The following ZNRF1 variants were observed in gnomAD, a reference collection of about 807,000 sequenced individuals.
ZNRF1 encodes zinc and ring finger 1, also known as E3 ubiquitin-protein ligase ZNRF1.
Under a neutral mutation model 18.4 loss-of-function variants are expected in ZNRF1, and 3 were observed. The ratio of observed to expected loss-of-function variants is 0.16; its 90% CI spans 0.07 to 0.42. ZNRF1 has a LOEUF of 0.42. Ranked by LOEUF, ZNRF1 falls within the 10% of genes least tolerant of loss-of-function variation. The pLI, the probability that ZNRF1 is intolerant of heterozygous loss-of-function variation, is 0.99. For missense variants in ZNRF1, 310 were observed against 329.8 expected (o/e 0.94, Z 0.47); for synonymous variants, 157 against 144.2 (o/e 1.09, Z -0.64).
At chr16:75,104,594 G>T in intron 2 of ZNRF1, 190 bp from the exon 3 acceptor site, 1 of 493,852 alleles carries the variant, frequency 2.0e-6, no homozygotes, top group South Asian at 2.7e-5. Context: ...ATTAACATGT[G>T]ATGTCCACGC....
intron 1 of ZNRF1, among the ~76,000 whole-genome samples, chr16:75,055,322 T>G (rs900333763): frequency 8.5e-5 from 13 of 152,186 alleles, no homozygotes; most frequent in Admixed American, 6.5e-4. Context: ...CACCCAGGCT[T>G]ACTAGAATTT....
At chr16:75,049,627 T>G (rs1284788869) in intron 1 of ZNRF1, among the ~76,000 whole-genome samples, 1 of 152,174 alleles carries the variant, frequency 6.6e-6, no homozygotes, top group Non-Finnish European at 1.5e-5. Flanking sequence ...CGAAACTCCG[T>G]CTCTACAAAA....
intron 1 of ZNRF1, among the ~76,000 whole-genome samples, chr16:75,077,579 C>A (rs188890660): frequency 6.6e-6 from 1 of 152,248 alleles, no homozygotes; most frequent in Admixed American, 6.5e-5. Flanking sequence ...ACAGCCATTT[C>A]TCTTAGAAGG....
chr16:75,031,323 G>C (rs1246660650), intron 1 of ZNRF1, among the ~76,000 whole-genome samples: 1 of 151,700 alleles, frequency 6.6e-6, no homozygotes, highest in African/African-American at 2.4e-5. Flanking sequence ...GTAGAGAGAG[G>C]GTTTCACCAT....
intron 1 of ZNRF1, among the ~76,000 whole-genome samples, chr16:75,010,006 G>A (rs1301748589): frequency 2.6e-5 from 4 of 151,692 alleles, no homozygotes; most frequent in African/African-American, 9.7e-5. Context: ...CTTTTGATAC[G>A]GAGTTTTGCC....
chr16:75,010,699 C>CTTTTTTTTT (rs1567464687), intron 1 of ZNRF1, among the ~76,000 whole-genome samples: 1 of 103,110 alleles, frequency 9.7e-6, no homozygotes, highest in African/African-American at 3.5e-5. Context: ...CTGTACTGTA[C>CTTTTTTTTT]TGTTTTTTTT....
intron 1 of ZNRF1, among the ~76,000 whole-genome samples, chr16:75,057,678 C>G (rs1017241478): frequency 6.6e-6 from 1 of 152,152 alleles, no homozygotes; most frequent in Non-Finnish European, 1.5e-5. Context: ...CTCTGTCACC[C>G]CAGCTGGAGC....
rs527394035 is a variant in ZNRF1, at chr16:75,094,342, G to A, written c.520+675G>A. Among the ~76,000 whole-genome samples, 3 of 152,298 alleles carry A rather than the reference G, an allele frequency of 2.0e-5. No individual in the cohort carries two copies. In the East Asian group the frequency reaches 5.8e-4, roughly 29 times the overall value. ...AATACCGCAGAGGGTAGGACCCTGA[G>A]GGCAGGGGATTTCAAAACACCCAAG... On this transcript the variant is annotated intron_variant, in intron 2 of 4. Coordinates refer to ENST00000335325, the MANE Select transcript of ZNRF1 (RefSeq NM_032268.5).
In ZNRF1 at chr16:75,088,918, C is replaced by A. The variant is rs1408660851; in HGVS notation, c.425-4654C>A. Among the ~76,000 whole-genome samples the A allele has an allele frequency of 5.9e-5, 9 of 152,202 alleles. No individual in the cohort carries two copies. In the East Asian group the frequency reaches 1.7e-3, roughly 29 times the overall value. ...AGTTGGCAGTATGGAAAGTGCCAGT[C>A]GTAGTGCACAGTGCTCGAGAGGTTC... is the stretch of plus-strand genomic sequence containing the variant. On this transcript the variant is annotated intron_variant, in intron 1 of 4. Coordinates refer to ENST00000335325, the MANE Select transcript of ZNRF1 (RefSeq NM_032268.5).
At chr16:75,101,140 G>A (rs2036250142) in intron 2 of ZNRF1, among the ~76,000 whole-genome samples, 1 of 152,154 alleles carries the variant, frequency 6.6e-6, no homozygotes, top group Admixed American at 6.5e-5. Context: ...CACCATGTTG[G>A]CCAGGCTGGT....
chr16:75,030,476 T>C (rs995965747), intron 1 of ZNRF1, among the ~76,000 whole-genome samples: 7 of 151,828 alleles, frequency 4.6e-5, no homozygotes, highest in African/African-American at 1.5e-4. Context: ...AGAAAAAAAC[T>C]ATAAAACTCT....
chr16:75,041,702 CT>C (rs1156792120), intron 1 of ZNRF1, among the ~76,000 whole-genome samples: 1 of 151,880 alleles, frequency 6.6e-6, no homozygotes, highest in Non-Finnish European at 1.5e-5. Flanking sequence ...ATTCACTTAT[CT>C]TTTTTGGTGA....
chr16:75,005,987 C>G (rs2034912338), intron 1 of ZNRF1, among the ~76,000 whole-genome samples: 1 of 152,152 alleles, frequency 6.6e-6, no homozygotes, highest in African/African-American at 2.4e-5. Flanking sequence ...CAAACCTGTG[C>G]AACATGTGAC....
intron 1 of ZNRF1, among the ~76,000 whole-genome samples, chr16:75,013,286 C>G (rs1311799840): frequency 6.6e-6 from 1 of 151,956 alleles, no homozygotes; most frequent in African/African-American, 2.4e-5. Flanking sequence ...TGAGGGCCCA[C>G]AGGGTAAGTC....
At chr16:75,040,598 G>GTTTTTTTTTTTTT (rs61513153) in intron 1 of ZNRF1, among the ~76,000 whole-genome samples, 1 of 46,356 alleles carries the variant, frequency 2.2e-5, no homozygotes, top group African/African-American at 8.0e-5. Context: ...TTTTTTGTGG[G>GTTTTTTTTTTTTT]TTTTTTTTTT....
At chr16:75,093,922 A>C (rs547850678) in intron 2 of ZNRF1, among the ~76,000 whole-genome samples, 1 of 152,312 alleles carries the variant, frequency 6.6e-6, no homozygotes, top group Admixed American at 6.5e-5. Flanking sequence ...CGGGCTGCTC[A>C]GTTAGGCCCC....
intron 3 of ZNRF1, 186 bp downstream of exon 3, chr16:75,105,075 A>G: frequency 1.8e-6 from 1 of 544,756 alleles, no homozygotes; most frequent in Non-Finnish European, 3.3e-6. Flanking sequence ...GAGCATCCCA[A>G]GTGCAGAGCA....
chr16:75,000,305 C>T (rs1209860729), intron 1 of ZNRF1: 1 of 775,114 alleles, frequency 1.3e-6, no homozygotes, highest in Non-Finnish European at 2.2e-6. Flanking sequence ...TAGGGACTCA[C>T]GGCGTGTGTT....
At chr16:75,103,563 T>C (rs1472242858) in intron 2 of ZNRF1, among the ~76,000 whole-genome samples, 1 of 152,114 alleles carries the variant, frequency 6.6e-6, no homozygotes, top group African/African-American at 2.4e-5. Flanking sequence ...TTATGCACGA[T>C]GAGTAAGTTC....
Sources: allele counts gnomAD v4.1 joint callset (sites outside exome capture counted in the v4.1 genomes callset), GRCh38; gene constraint gnomAD v4.1.1; transcripts MANE v1.5; gene names NCBI Gene and HGNC (gene_info 2026-07-23, HGNC 2026-07-21).